Variants in ZFHX3 observed in about 807,000 individuals in gnomAD.
ZFHX3 encodes zinc finger homeobox 3.
Under a neutral mutation model 279.1 loss-of-function variants are expected in ZFHX3, and 42 were observed. That is an observed-to-expected ratio of 0.15 (90% CI 0.12 to 0.19). The LOEUF (loss-of-function observed/expected upper bound fraction) is 0.19, where lower values mean the gene tolerates loss of function less well. Ranked by LOEUF, ZFHX3 falls within the 10% of genes least tolerant of loss-of-function variation. The probability of loss-of-function intolerance (pLI) is 1.00; values close to 1 mark genes in which losing one functional copy is unlikely to be tolerated. For missense variants in ZFHX3, 4,981 were observed against 4,754.0 expected (o/e 1.05, Z -1.40); for synonymous variants, 2,293 against 1,957.8 (o/e 1.17, Z -4.52).
chr16:73,490,766 G>A (rs1027125812), intron 2 of ZFHX3, among the ~76,000 whole-genome samples: 2 of 152,180 alleles, frequency 1.3e-5, no homozygotes, highest in African/African-American at 2.4e-5. Flanking sequence ...GAACCCAGGA[G>A]GTCGATGCTA....
In ZFHX3 at chr16:73,177,060, A is replaced by G. The variant is rs149002406; in HGVS notation, c.-1103-33229T>C. On this transcript the variant is annotated intron_variant, in intron 5 of 17. Transcript: ENST00000641206. ...TATATCCCTCAGACCAAAATACTCA[A>G]TGACGTGAGTTATTAGAAAAAGCCC... 1.5e-3 allele frequency among the ~76,000 whole-genome samples: 221 copies of G among 152,298 alleles called. 1 individual carries two copies. The highest frequency in any genetic ancestry group is 2.5e-3 in the Admixed American group (38 of 15,290).
chr16:73,310,018 C>T (rs2015288280), intron 4 of ZFHX3, among the ~76,000 whole-genome samples: 1 of 148,464 alleles, frequency 6.7e-6, no homozygotes. Flanking sequence ...AAGCGATTCT[C>T]CTGCCTCAGC....
rs145839660 is a variant in ZFHX3, at chr16:72,810,738, C to G, written c.3864+839G>C. 4.1e-3 allele frequency among the ~76,000 whole-genome samples: 625 copies of G among 152,260 alleles called. 4 individuals carry two copies. Among genetic ancestry groups the G allele is most frequent in the African/African-American group, 0.014 (593 of 41,550 alleles). ...TTTCTTGCTTTAAAAATCAAAGTAT[C>G]CACTGAGAAACTCCCTACCCTAGAG... On this transcript the variant is annotated intron_variant, in intron 7 of 9. Transcript: ENST00000268489.
chr16:73,290,218 G>A (rs538902664), intron 4 of ZFHX3, among the ~76,000 whole-genome samples: 5 of 152,222 alleles, frequency 3.3e-5, no homozygotes, highest in South Asian at 2.1e-4. Flanking sequence ...TTATAGCTTC[G>A]TGAATTCCCT....
intron 4 of ZFHX3, among the ~76,000 whole-genome samples, chr16:73,300,693 G>A (rs1375222197): frequency 2.6e-5 from 4 of 152,090 alleles, no homozygotes; most frequent in Admixed American, 1.3e-4. Flanking sequence ...TAGTAGAGAC[G>A]GAGTTTTGCC....
rs139198909 is a variant in ZFHX3, at chr16:72,895,910, A to C, written c.3217-5948T>G. Among the ~76,000 whole-genome samples, 668 of 152,224 alleles carry C rather than the reference A, an allele frequency of 4.4e-3. 5 individuals are homozygous for C. Among genetic ancestry groups the C allele is most frequent in the Non-Finnish European group, 7.5e-3 (508 of 67,980 alleles). ...ATAGATAGACGGATAGATAGGTAAA[A>C]ACAGACAGATAGCACCTGCAAAAGA... On this transcript the variant is annotated intron_variant, in intron 3 of 9. Coordinates refer to ENST00000268489, the MANE Select transcript of ZFHX3 (RefSeq NM_006885.4).
chr16:72,923,450 G>GAAAAAAA (rs34096322), intron 3 of ZFHX3, among the ~76,000 whole-genome samples: 1 of 86,094 alleles, frequency 1.2e-5, no homozygotes. Flanking sequence ...TCTCAGACCA[G>GAAAAAAA]AAAAAAAAAA....
Position 72,811,992 on chromosome 16 carries a change from G to A in ZFHX3, c.3576C>T (p.Thr1192=), listed in dbSNP as rs1266648744. Residue 1192 remains threonine, a synonymous_variant, in exon 6 of 10, where the codon ACC becomes ACT. Transcript: ENST00000268489. Reference sequence around the variant, plus strand: ...TACCTGGGAAGGAGATGCGTTTGGAGGTTGCAGGAGAATCTGTCAGCTCCT... The same window carrying A: ...TACCTGGGAAGGAGATGCGTTTGGAAGTTGCAGGAGAATCTGTCAGCTCCT... The part of the protein sequence containing the change: ...AEKELTDSPA[T]SKRISFPGSS... The A allele has an allele frequency of 6.2e-7, 1 of 1,614,176 alleles. No individual in the cohort carries two copies. Among genetic ancestry groups the A allele is most frequent in the Non-Finnish European group, 8.5e-7 (1 of 1,180,042 alleles).
chr16:72,835,253 G>A (rs902968537), intron 4 of ZFHX3, among the ~76,000 whole-genome samples: 1 of 152,208 alleles, frequency 6.6e-6, no homozygotes, highest in African/African-American at 2.4e-5. Context: ...AATCAGGTTT[G>A]AAATATTTAG....
chr16:73,777,499 ACT>A (rs1457448902), intron 1 of ZFHX3, among the ~76,000 whole-genome samples: 5 of 85,732 alleles, frequency 5.8e-5, no homozygotes, highest in Non-Finnish European at 8.2e-5. Context: ...ACAGAGTGAG[ACT>A]CTGTCTCAAA....
intron 2 of ZFHX3, among the ~76,000 whole-genome samples, chr16:73,664,201 C>G (rs796760783): frequency 6.7e-6 from 1 of 150,346 alleles, no homozygotes; most frequent in African/African-American, 2.5e-5. Context: ...CTTTGCCAAA[C>G]AGTATTGCTG....
chr16:73,236,857 C>G (rs2012965338), intron 5 of ZFHX3, among the ~76,000 whole-genome samples: 1 of 152,136 alleles, frequency 6.6e-6, no homozygotes, highest in South Asian at 2.1e-4. Flanking sequence ...AGAGAGAGAT[C>G]CTGCCTGTAG....
intron 1 of ZFHX3, among the ~76,000 whole-genome samples, chr16:73,829,219 C>A (rs1331014733): frequency 1.0e-5 from 1 of 96,722 alleles, no homozygotes; most frequent in Non-Finnish European, 1.8e-5. Flanking sequence ...CTTCTGCATT[C>A]TTCACGTAGT....
chr16:73,792,619 T>G (rs1327452335), intron 1 of ZFHX3, among the ~76,000 whole-genome samples: 1 of 152,142 alleles, frequency 6.6e-6, no homozygotes, highest in Non-Finnish European at 1.5e-5. Flanking sequence ...CTTGCCTCCT[T>G]TAAGTTAAAA....
At chr16:73,251,793 T>TACACACAC (rs2013501146) in intron 5 of ZFHX3, among the ~76,000 whole-genome samples, 1 of 81,634 alleles carries the variant, frequency 1.2e-5, no homozygotes, top group Admixed American at 1.5e-4. Flanking sequence ...GCACACACCA[T>TACACACAC]GCACACACGC....
chr16:73,761,413 AG>A (rs925910881), intron 1 of ZFHX3, among the ~76,000 whole-genome samples: 7 of 152,144 alleles, frequency 4.6e-5, no homozygotes, highest in African/African-American at 1.7e-4. Context: ...TACTGCCCAA[AG>A]TAATTTATAC....
intron 2 of ZFHX3, among the ~76,000 whole-genome samples, chr16:73,537,677 C>T (rs1014274470): frequency 1.3e-5 from 2 of 152,198 alleles, no homozygotes; most frequent in African/African-American, 4.8e-5. Context: ...AAGGCGAAGC[C>T]TGAGGATCCA....
intron 4 of ZFHX3, among the ~76,000 whole-genome samples, chr16:72,842,162 T>C (rs1315165411): frequency 6.6e-6 from 1 of 152,222 alleles, no homozygotes. Context: ...AGAAAAATCC[T>C]TACTTCAGAC....
chr16:73,174,049 G>C (rs1967601672), intron 5 of ZFHX3, among the ~76,000 whole-genome samples: 1 of 152,320 alleles, frequency 6.6e-6, no homozygotes, highest in South Asian at 2.1e-4. Flanking sequence ...AAGTGTGTGA[G>C]CGTCCTCAAG....
Sources: allele counts gnomAD v4.1 joint callset (sites outside exome capture counted in the v4.1 genomes callset), GRCh38; gene constraint gnomAD v4.1.1; transcripts MANE v1.5; gene names NCBI Gene and HGNC (gene_info 2026-07-23, HGNC 2026-07-21).